The following ANKRD11 variants were observed in gnomAD, a reference collection of about 807,000 sequenced individuals.
ANKRD11 encodes ankyrin repeat domain 11.
Under a neutral mutation model 195.7 loss-of-function variants are expected in ANKRD11, and 17 were observed. That is an observed-to-expected ratio of 0.09 (90% CI 0.06 to 0.13). The LOEUF (loss-of-function observed/expected upper bound fraction) is 0.13. Among genes scored for constraint, ANKRD11 ranks in the 10% least tolerant of loss-of-function variants. The pLI is 1.00. For synonymous variants in ANKRD11, 1,953 were observed against 1,528.1 expected, an observed-to-expected ratio of 1.28 and a Z score of -6.49; for missense variants, 3,735 against 3,566.1, an observed-to-expected ratio of 1.05 and a Z score of -1.21.
Position 89,281,873 on chromosome 16 carries a change from G to C in ANKRD11, c.4669C>G (p.Pro1557Ala), listed in dbSNP as rs374295517. The C allele has an allele frequency of 4.3e-6, 7 of 1,613,784 alleles. No individual in the cohort carries two copies. Among genetic ancestry groups the C allele is most frequent in the South Asian group, 1.1e-5 (1 of 91,090 alleles). The change falls in exon 9 of 13, where the codon CCA becomes GCA. Residue 1557 changes from proline (P) to alanine (A), a missense_variant. Transcript: ENST00000301030. The surrounding 1 kb of genome is among the most constrained non-coding windows in gnomAD (Gnocchi z 5.5). ...TCTTTCTTGCCTGGGTCTTTGGATG[G>C]CGCTACCTTATCATTCCCGTTGCTC... The part of the protein sequence containing the change: ...KMSNGNDKVA[P>A]SKDPGKKDAR...
intron 2 of ANKRD11, among the ~76,000 whole-genome samples, chr16:89,396,731 G>A (rs1412967454): frequency 6.6e-6 from 1 of 152,184 alleles, no homozygotes; most frequent in Non-Finnish European, 1.5e-5. Flanking sequence ...CTGTCGCCCA[G>A]GCTGGAGTGC....
intron 1 of ANKRD11, among the ~76,000 whole-genome samples, chr16:89,473,771 C>T (rs907947041): frequency 3.3e-5 from 5 of 152,198 alleles, no homozygotes; most frequent in Non-Finnish European, 7.3e-5. Flanking sequence ...AATCTCCCCA[C>T]CCAGTGTCCA....
intron 2 of ANKRD11, among the ~76,000 whole-genome samples, chr16:89,346,736 T>G (rs1022186616): frequency 6.6e-6 from 1 of 152,106 alleles, no homozygotes; most frequent in Non-Finnish European, 1.5e-5. Flanking sequence ...GGTAAAGTGG[T>G]TGTTAGAGGG....
intron 1 of ANKRD11, among the ~76,000 whole-genome samples, chr16:89,449,936 C>T (rs2043991847): frequency 6.6e-6 from 1 of 152,178 alleles, no homozygotes; most frequent in African/African-American, 2.4e-5. Context: ...GGTCCCAGCT[C>T]CTGCTTCACT....
At chr16:89,335,842 C>T (rs971425786) in intron 2 of ANKRD11, among the ~76,000 whole-genome samples, 1 of 152,228 alleles carries the variant, frequency 6.6e-6, no homozygotes, top group African/African-American at 2.4e-5. Flanking sequence ...GTTTCCCCTA[C>T]AGCTGGTGCT....
At chr16:89,405,544 G>C (rs1401488743) in intron 2 of ANKRD11, among the ~76,000 whole-genome samples, 2 of 149,930 alleles carry the variant, frequency 1.3e-5, no homozygotes. Context: ...ATGTTGTCCG[G>C]GCTGGTCTCG....
At chr16:89,341,034 T>A (rs1306011590) in intron 2 of ANKRD11, among the ~76,000 whole-genome samples, 1 of 152,338 alleles carries the variant, frequency 6.6e-6, no homozygotes, top group East Asian at 1.9e-4. Context: ...TTTTAAAATA[T>A]AAATGGCTTC....
chr16:89,359,464 C>T (rs969362416), intron 2 of ANKRD11, among the ~76,000 whole-genome samples: 3 of 152,192 alleles, frequency 2.0e-5, no homozygotes, highest in African/African-American at 4.8e-5. Flanking sequence ...TCTGCTGCAG[C>T]CCCTCGGCCC....
intron 2 of ANKRD11, among the ~76,000 whole-genome samples, chr16:89,330,730 T>A (rs1158244557): frequency 1.5e-5 from 2 of 130,180 alleles, no homozygotes; most frequent in Non-Finnish European, 3.1e-5. Flanking sequence ...CGGCTTCACT[T>A]CCACCTCATC....
intron 1 of ANKRD11, among the ~76,000 whole-genome samples, chr16:89,453,244 A>G (rs1004352373): frequency 2.0e-5 from 3 of 152,186 alleles, no homozygotes; most frequent in African/African-American, 7.2e-5. Context: ...CTCTGACATT[A>G]AATTTTGTTT....
intron 2 of ANKRD11, among the ~76,000 whole-genome samples, chr16:89,415,261 CTTTTTTT>C (rs34004237): frequency 2.4e-5 from 2 of 84,532 alleles, no homozygotes; most frequent in African/African-American, 1.0e-4. Flanking sequence ...GCCAGCTATT[CTTTTTTT>C]TTTTTTTTTT....
intron 4 of ANKRD11, chr16:89,304,954 G>A (rs773554382): frequency 1.8e-6 from 1 of 568,006 alleles, no homozygotes; most frequent in Non-Finnish European, 3.0e-6. Flanking sequence ...CATGCACCGG[G>A]TGCATCTCCA....
chr16:89,359,738 T>A (rs2039648850), intron 2 of ANKRD11, among the ~76,000 whole-genome samples: 1 of 152,030 alleles, frequency 6.6e-6, no homozygotes, highest in Non-Finnish European at 1.5e-5. Flanking sequence ...CATATCTGAG[T>A]CTCAACAGCC....
At chr16:89,435,550 C>A (rs1031331055) in intron 1 of ANKRD11, among the ~76,000 whole-genome samples, 1 of 152,122 alleles carries the variant, frequency 6.6e-6, no homozygotes, top group African/African-American at 2.4e-5. Context: ...GGAAAACACT[C>A]CAGACACATC....
At chr16:89,462,791 G>C (rs1053478993) in intron 1 of ANKRD11, among the ~76,000 whole-genome samples, 8 of 150,398 alleles carry the variant, frequency 5.3e-5, no homozygotes, top group Admixed American at 2.6e-4. Flanking sequence ...CCCTCTGCCC[G>C]GCAACCACCC....
At chr16:89,298,982 C>T (rs2035635575) in intron 4 of ANKRD11, 1 of 152,372 alleles carries the variant, frequency 6.6e-6, no homozygotes, top group African/African-American at 2.4e-5. Context: ...CTGGCCACCA[C>T]CCTCACCTCG....
chr16:89,446,260 A>T (rs1411686949), intron 1 of ANKRD11, among the ~76,000 whole-genome samples: 1 of 152,156 alleles, frequency 6.6e-6, no homozygotes, highest in African/African-American at 2.4e-5. Flanking sequence ...CTAATATGAA[A>T]ACAGATGAGG....
chr16:89,302,538 A>C, intron 4 of ANKRD11, among the ~76,000 whole-genome samples: 1 of 152,170 alleles, frequency 6.6e-6, no homozygotes, highest in East Asian at 1.9e-4. Flanking sequence ...GCCGTGAGCC[A>C]CCGCGCCTGG....
intron 1 of ANKRD11, among the ~76,000 whole-genome samples, chr16:89,463,733 C>T (rs2056784012): frequency 1.3e-5 from 2 of 150,760 alleles, no homozygotes; most frequent in South Asian, 4.2e-4. Context: ...ATAATTTCAA[C>T]GTAGTATTCC....
Sources: gnomAD v4.1 joint callset for allele counts (sites outside exome capture counted in the v4.1 genomes callset) on GRCh38, gnomAD v4.1.1 for gene constraint, Gnocchi (gnomAD v3.1) non-coding constraint, MANE v1.5 for transcripts, NCBI Gene and HGNC (gene_info 2026-07-23, HGNC 2026-07-21) for gene names.